TRAPPC9: variants seen among roughly 807,000 people sequenced by gnomAD.
The protein encoded by TRAPPC9 is IKK2 binding protein.
In TRAPPC9, 83 loss-of-function variants were observed where a neutral mutation model predicts 124.0. That is an observed-to-expected ratio of 0.67 (90% CI 0.56 to 0.80). The LOEUF (loss-of-function observed/expected upper bound fraction) is 0.80. Among genes scored for constraint, TRAPPC9 ranks in the 30% least tolerant of loss-of-function variants. The probability of loss-of-function intolerance (pLI) is 0.00; values close to 1 mark genes in which losing one functional copy is unlikely to be tolerated. For synonymous variants in TRAPPC9, 638 were observed against 617.5 expected, an observed-to-expected ratio of 1.03 and a Z score of -0.49; for missense variants, 1,302 against 1,508.3, an observed-to-expected ratio of 0.86 and a Z score of 2.27.
At chr8:140,224,024 G>A (rs748481541) in intron 16 of TRAPPC9, among the ~76,000 whole-genome samples, 4 of 152,154 alleles carry the variant, frequency 2.6e-5, no homozygotes, top group Non-Finnish European at 5.9e-5. Context: ...GTTTCTGTTG[G>A]TGGTGCCTAT....
intron 17 of TRAPPC9, among the ~76,000 whole-genome samples, chr8:140,026,316 G>A (rs78571720): frequency 0.035 from 5,375 of 152,244 alleles, 278 homozygotes; most frequent in African/African-American, 0.12. Context: ...GGACAGTGCC[G>A]AGACCCTGCT....
intron 20 of TRAPPC9, among the ~76,000 whole-genome samples, chr8:139,894,002 G>A (rs1244229856): frequency 6.6e-6 from 1 of 152,210 alleles, no homozygotes; most frequent in Non-Finnish European, 1.5e-5. Context: ...GAATTCTTCT[G>A]TGGCAACCGC....
chr8:140,036,456 C>T (rs1431664713), intron 17 of TRAPPC9, among the ~76,000 whole-genome samples: 9 of 150,806 alleles, frequency 6.0e-5, no homozygotes, highest in African/African-American at 9.9e-5. Flanking sequence ...AGGGAAGCCA[C>T]GGATCTCTTC....
At chr8:140,181,692 G>C (rs1055577042) in intron 17 of TRAPPC9, among the ~76,000 whole-genome samples, 1 of 152,006 alleles carries the variant, frequency 6.6e-6, no homozygotes, top group African/African-American at 2.4e-5. Context: ...ATACCATTCT[G>C]ACCATATCAA....
intron 17 of TRAPPC9, among the ~76,000 whole-genome samples, chr8:140,136,401 T>C (rs1184777139): frequency 1.3e-5 from 2 of 152,150 alleles, no homozygotes; most frequent in Admixed American, 1.3e-4. Context: ...GAGCCTGTTG[T>C]CTGAGTGCCA....
chr8:139,993,329 G>C lies in TRAPPC9; in HGVS notation c.2700-4493C>G, dbSNP rs998214580. On this transcript the variant is annotated intron_variant, in intron 18 of 22. Coordinates refer to ENST00000438773, the MANE Select transcript of TRAPPC9 (RefSeq NM_001160372.4). ...CAGGAACAGAAGCTCAATCCAACTA[G>C]TAGTTAGAGAAATGGAAATAAACCC... is the stretch of plus-strand genomic sequence containing the variant. Among the ~76,000 whole-genome samples the C allele has an allele frequency of 2.6e-5, 4 of 152,158 alleles. No individual in the cohort carries two copies. The East Asian group carries it at 7.7e-4, about 29-fold the overall frequency.
chr8:140,220,154 CAAG>C (rs1273509065), intron 17 of TRAPPC9, among the ~76,000 whole-genome samples: 12 of 152,200 alleles, frequency 7.9e-5, no homozygotes, highest in South Asian at 2.1e-4. Flanking sequence ...GATGGACAAA[CAAG>C]AAGAACAGCA....
chr8:140,119,611 C>T (rs1470957425), intron 17 of TRAPPC9, among the ~76,000 whole-genome samples: 2 of 152,162 alleles, frequency 1.3e-5, no homozygotes, highest in Admixed American at 6.5e-5. Flanking sequence ...GTAATTAGAC[C>T]GTCACATATA....
chr8:139,866,546 G>T (rs902841797), intron 21 of TRAPPC9, among the ~76,000 whole-genome samples: 1 of 152,192 alleles, frequency 6.6e-6, no homozygotes, highest in Non-Finnish European at 1.5e-5. Context: ...TGTGGGAAGG[G>T]CTGGGATGGA....
At chr8:140,454,808 A>C (rs1386388555) in intron 1 of TRAPPC9, among the ~76,000 whole-genome samples, 1 of 151,260 alleles carries the variant, frequency 6.6e-6, no homozygotes, top group Non-Finnish European at 1.5e-5. Flanking sequence ...GCTTGGTGGC[A>C]TGCACCTATA....
At chr8:140,174,889 T>C (rs1243505568) in intron 17 of TRAPPC9, among the ~76,000 whole-genome samples, 1 of 152,248 alleles carries the variant, frequency 6.6e-6, no homozygotes, top group Non-Finnish European at 1.5e-5. Flanking sequence ...GTTCAAGTTT[T>C]TGCAAACATG....
intron 21 of TRAPPC9, among the ~76,000 whole-genome samples, chr8:139,752,006 T>C (rs1356464667): frequency 1.3e-5 from 2 of 148,662 alleles, no homozygotes; most frequent in Admixed American, 6.7e-5. Flanking sequence ...ACCATCCATC[T>C]ATCCATCCAT....
intron 9 of TRAPPC9, among the ~76,000 whole-genome samples, chr8:140,331,517 T>A (rs892827409): frequency 3.3e-5 from 5 of 151,888 alleles, no homozygotes; most frequent in South Asian, 2.1e-4. Context: ...AAAGGAAACA[T>A]CACAGTGAAC....
In TRAPPC9 at chr8:140,221,492, C is replaced by G. The variant is rs1231753636; in HGVS notation, c.2523G>C (p.Glu841Asp). Residue 841 changes from glutamate to aspartate, a missense_variant, in exon 17 of 23, where the codon GAG (glutamate) becomes GAC (aspartate). Physicochemically the swap from Glu to Asp is conservative, Grantham distance 45 (BLOSUM62 2). Around this residue, in one of 3 missense-constraint regions of TRAPPC9, gnomAD observed 640 missense variants for 679.3 expected, o/e 0.94. Coordinates refer to ENST00000438773, the MANE Select transcript of TRAPPC9 (RefSeq NM_001160372.4). The stretch of plus-strand genomic sequence containing the variant: ...GGCTGTAGTCGCCTGCTTTGTTGCT[C>G]TCGGGTGGGTTCACAGGTTTGCCCT... ...RVEGKPVNPP[E>D]SNKAGDYSHV... The G allele has an allele frequency of 1.2e-6, 2 of 1,614,188 alleles. No individual in the cohort carries two copies. Among genetic ancestry groups the G allele is most frequent in the East Asian group, 2.2e-5 (1 of 44,882 alleles).
Position 140,192,434 on chromosome 8 carries a change from C to T in TRAPPC9, c.2556+29025G>A, listed in dbSNP as rs536194645. On this transcript the variant is annotated intron_variant, in intron 17 of 22. Transcript: ENST00000438773. ...GACTTCTGCAGTCAACAGGCCCAAT[C>T]GTCCACAGAGCAAGGTGATCTGCAG... Among the ~76,000 whole-genome samples the T allele has an allele frequency of 3.3e-5, 5 of 152,330 alleles. No individual in the cohort carries two copies. The East Asian group carries it at 7.7e-4, about 24-fold the overall frequency.
At chr8:140,298,107 G>T (rs535932838) in intron 11 of TRAPPC9, among the ~76,000 whole-genome samples, 4 of 152,136 alleles carry the variant, frequency 2.6e-5, no homozygotes, top group African/African-American at 9.7e-5. Flanking sequence ...ACTAAATAAG[G>T]TAACATATGA....
chr8:139,745,339 G>A (rs554977061), intron 21 of TRAPPC9, among the ~76,000 whole-genome samples: 12 of 152,386 alleles, frequency 7.9e-5, no homozygotes, highest in Admixed American at 3.3e-4. Flanking sequence ...AAGGTGGTGC[G>A]TGGAGTGAAG....
intron 21 of TRAPPC9, among the ~76,000 whole-genome samples, chr8:139,862,747 A>C (rs1438612640): frequency 6.6e-6 from 1 of 152,214 alleles, no homozygotes; most frequent in Non-Finnish European, 1.5e-5. Flanking sequence ...TAAGTAAGCC[A>C]CAGAAAGGGA....
chr8:140,315,521 C>T (rs1279730918), intron 9 of TRAPPC9, among the ~76,000 whole-genome samples: 1 of 151,920 alleles, frequency 6.6e-6, no homozygotes, highest in African/African-American at 2.4e-5. Context: ...TGGTTTCATG[C>T]TATTTTATTA....
Sources: gnomAD v4.1 joint callset for allele counts (sites outside exome capture counted in the v4.1 genomes callset) on GRCh38, gnomAD v4.1.1 for gene constraint, gnomAD v4.1.1 regional missense constraint, MANE v1.5 for transcripts, NCBI Gene and HGNC (gene_info 2026-07-23, HGNC 2026-07-21) for gene names.